The following SREK1IP1 variants were observed in gnomAD, a reference collection of about 807,000 sequenced individuals.
The protein encoded by SREK1IP1 is protein SREK1IP1.
Under a neutral mutation model 22.8 loss-of-function variants are expected in SREK1IP1, and 12 were observed. The observed-to-expected ratio is 0.53, with a 90% CI of 0.34 to 0.85. The LOEUF is 0.85. Ranked by LOEUF, SREK1IP1 falls within the 40% of genes least tolerant of loss-of-function variation. The probability of loss-of-function intolerance (pLI) is 0.02; values close to 1 mark genes in which losing one functional copy is unlikely to be tolerated. For synonymous variants in SREK1IP1, 53 were observed against 52.7 expected (o/e 1.01, Z -0.02); for missense variants, 147 against 171.8 (o/e 0.86, Z 0.81).
chr5:64,768,393 G>C, intron 1 of SREK1IP1, 112 bp downstream of exon 1: 1 of 1,365,512 alleles, frequency 7.3e-7, no homozygotes, highest in Non-Finnish European at 1.0e-6. Flanking sequence ...TGAATTTTAA[G>C]GCCTCCGCCT....
intron 3 of SREK1IP1, among the ~76,000 whole-genome samples, chr5:64,740,472 TA>T (rs1742534479): frequency 6.6e-6 from 1 of 152,112 alleles, no homozygotes; most frequent in African/African-American, 2.4e-5. Context: ...GTATAAGTAA[TA>T]AAGAAACTTC....
At chr5:64,756,120 C>A (rs1389785442) in intron 1 of SREK1IP1, among the ~76,000 whole-genome samples, 2 of 151,984 alleles carry the variant, frequency 1.3e-5, no homozygotes, top group Non-Finnish European at 2.9e-5. Context: ...GATATAGATA[C>A]CAGAGACAAA....
intron 1 of SREK1IP1, among the ~76,000 whole-genome samples, chr5:64,764,415 G>A (rs547569234): frequency 6.6e-6 from 1 of 152,268 alleles, no homozygotes; most frequent in East Asian, 1.9e-4. Context: ...CAATATAGGA[G>A]GTAATAACAA....
intron 2 of SREK1IP1, among the ~76,000 whole-genome samples, chr5:64,752,144 G>GTTTTTTTTTTTTTTTTT (rs755420855): frequency 1.3e-4 from 11 of 85,476 alleles, no homozygotes; most frequent in Admixed American, 2.6e-4. Context: ...TTTTTTTTGT[G>GTTTTTTTTTTTTTTTTT]TGTTTTTTTT....
intron 1 of SREK1IP1, among the ~76,000 whole-genome samples, chr5:64,760,116 G>A (rs1561392567): frequency 6.6e-6 from 1 of 152,060 alleles, no homozygotes; most frequent in Non-Finnish European, 1.5e-5. Context: ...AATCAATTAC[G>A]GTATGAAATA....
At chr5:64,749,106 T>TAATAATAAA (rs1554065302) in intron 2 of SREK1IP1, among the ~76,000 whole-genome samples, 1 of 141,004 alleles carries the variant, frequency 7.1e-6, no homozygotes, top group African/African-American at 2.7e-5. Context: ...ATAATAATAA[T>TAATAATAAA]AAAAACCCTC....
intron 1 of SREK1IP1, among the ~76,000 whole-genome samples, chr5:64,762,869 T>C (rs1433608712): frequency 6.6e-6 from 1 of 151,880 alleles, no homozygotes; most frequent in Non-Finnish European, 1.5e-5. Flanking sequence ...CTGGGCAATA[T>C]GGTGAAACTC....
At chr5:64,764,296 T>C (rs1015494705) in intron 1 of SREK1IP1, among the ~76,000 whole-genome samples, 2 of 152,192 alleles carry the variant, frequency 1.3e-5, no homozygotes, top group African/African-American at 2.4e-5. Context: ...CATGATAGAA[T>C]GTGCCAGGTT....
At chr5:64,753,686 G>C (rs1332766500) in intron 2 of SREK1IP1, among the ~76,000 whole-genome samples, 3 of 152,112 alleles carry the variant, frequency 2.0e-5, no homozygotes. Context: ...AATTCACACG[G>C]TCTGCAAACA....
At chr5:64,729,883 T>C (rs541482448) in intron 3 of SREK1IP1, among the ~76,000 whole-genome samples, 1 of 152,314 alleles carries the variant, frequency 6.6e-6, no homozygotes, top group South Asian at 2.1e-4. Context: ...AAAGACCTGT[T>C]TGACATCCAA....
Position 64,768,605 on chromosome 5 carries a change from C to A in SREK1IP1, c.-88G>T, listed in dbSNP as rs370756559. 2 of 1,597,378 alleles carry A rather than the reference C, an allele frequency of 1.3e-6. No homozygotes were observed. Among genetic ancestry groups the A allele is most frequent in the African/African-American group, 1.3e-5 (1 of 74,734 alleles). On this transcript the variant is annotated 5_prime_UTR_variant, in exon 1 of 5. Transcript: ENST00000513458. The stretch of plus-strand genomic sequence containing the variant: ...CTGTGAGAACAAGGCACAGTCAAAG[C>A]GGCGTTTTCCTTCCCCCAGCGCAGC...
intron 2 of SREK1IP1, among the ~76,000 whole-genome samples, chr5:64,745,924 T>C (rs1462317032): frequency 2.0e-5 from 3 of 151,426 alleles, no homozygotes; most frequent in Non-Finnish European, 2.9e-5. Flanking sequence ...CAGCAAACAA[T>C]GTAGAAGAAA....
At chr5:64,744,043 C>T (rs1394621998) in intron 2 of SREK1IP1, among the ~76,000 whole-genome samples, 8 of 152,086 alleles carry the variant, frequency 5.3e-5, no homozygotes, top group Non-Finnish European at 1.2e-4. Context: ...AATAAGATCT[C>T]AGGAACCGGG....
At chr5:64,737,894 T>C (rs1429408638) in intron 3 of SREK1IP1, among the ~76,000 whole-genome samples, 2 of 151,958 alleles carry the variant, frequency 1.3e-5, no homozygotes, top group Non-Finnish European at 2.9e-5. Context: ...AAATCGAAAA[T>C]AGGAACAGAC....
rs1397003273 is a variant in SREK1IP1, at chr5:64,721,491, A to G, written c.*2893T>C. On this transcript the variant is annotated 3_prime_UTR_variant, in exon 5 of 5. Transcript: ENST00000513458. ...TCATTTATTGTTGTTTTGACCTCAG[A>G]GAGTCAAAGATGTAAATGGAGATGT... 1.3e-5 allele frequency: 2 copies of G among 152,108 alleles called. No individual in the cohort carries two copies. Among genetic ancestry groups the G allele is most frequent in the Non-Finnish European group, 2.9e-5 (2 of 68,014 alleles). The allele number at this position is 152,108 out of a possible 1,614,324, so 9.4% of individuals were successfully genotyped here.
At chr5:64,726,749 G>T (rs1336081930) in intron 4 of SREK1IP1, among the ~76,000 whole-genome samples, 2 of 151,976 alleles carry the variant, frequency 1.3e-5, no homozygotes, top group Non-Finnish European at 2.9e-5. Flanking sequence ...GCCTCTAGTT[G>T]GGCAAAATCA....
chr5:64,726,447 G>A (rs1742267748), intron 4 of SREK1IP1, among the ~76,000 whole-genome samples: 1 of 151,762 alleles, frequency 6.6e-6, no homozygotes, highest in Non-Finnish European at 1.5e-5. Context: ...ATGGTGGTGG[G>A]CACCTGTAGT....
intron 1 of SREK1IP1, among the ~76,000 whole-genome samples, chr5:64,758,609 A>C (rs1471928356): frequency 1.3e-5 from 2 of 152,236 alleles, no homozygotes; most frequent in Non-Finnish European, 2.9e-5. Context: ...GAAACTGTAG[A>C]TGCTAAAAAA....
At chr5:64,743,576 A>G (rs1742584321) in intron 2 of SREK1IP1, among the ~76,000 whole-genome samples, 2 of 152,160 alleles carry the variant, frequency 1.3e-5, no homozygotes, top group African/African-American at 4.8e-5. Flanking sequence ...AAAATTATAC[A>G]AGTATTGATT....
Sources: gnomAD v4.1 joint callset for allele counts (sites outside exome capture counted in the v4.1 genomes callset) on GRCh38, gnomAD v4.1.1 for gene constraint, MANE v1.5 for transcripts, NCBI Gene and HGNC (gene_info 2026-07-23, HGNC 2026-07-21) for gene names.